SLCO3A1: variants seen among roughly 807,000 people sequenced by gnomAD.
The protein encoded by SLCO3A1 is PGE1 transporter.
Under a neutral mutation model 63.1 loss-of-function variants are expected in SLCO3A1, and 27 were observed. The observed-to-expected ratio is 0.43, with a 90% CI of 0.32 to 0.59. The LOEUF is 0.59. Among genes scored for constraint, SLCO3A1 ranks in the 20% least tolerant of loss-of-function variants. The probability of loss-of-function intolerance (pLI) is 0.09; values close to 1 mark genes in which losing one functional copy is unlikely to be tolerated. For synonymous variants in SLCO3A1, 473 were observed against 409.9 expected (o/e 1.15, Z -1.86); for missense variants, 773 against 945.8 (o/e 0.82, Z 2.40).
intron 2 of SLCO3A1, among the ~76,000 whole-genome samples, chr15:92,060,318 G>A (rs1456086445): frequency 6.6e-6 from 1 of 152,074 alleles, no homozygotes; most frequent in Non-Finnish European, 1.5e-5. Flanking sequence ...CCAGTAGTTT[G>A]GGAGGCCAAG....
chr15:92,015,821 C>G (rs971451935), intron 2 of SLCO3A1, among the ~76,000 whole-genome samples: 1 of 151,956 alleles, frequency 6.6e-6, no homozygotes, highest in Admixed American at 6.6e-5. Context: ...CAGGAAGGCC[C>G]GAGCTTATAG....
chr15:91,882,653 C>T lies in SLCO3A1; in HGVS notation c.180+28565C>T, dbSNP rs574175210. 2.6e-5 allele frequency among the ~76,000 whole-genome samples: 4 copies of T among 152,192 alleles called. No homozygotes were observed. In the South Asian group the frequency reaches 6.2e-4, roughly 24 times the overall value. On this transcript the variant is annotated intron_variant, in intron 1 of 9. Coordinates refer to ENST00000318445, the MANE Select transcript of SLCO3A1 (RefSeq NM_013272.4). This position sits in a 1 kb window ranked among gnomAD's most constrained non-coding sequence, Gnocchi z 4.4. The stretch of plus-strand genomic sequence containing the variant: ...CTTCAGCCTCCCGAGTAGCTGGGAC[C>T]ACAGGCGTATGCACCACCACCACGT...
chr15:91,971,704 G>C (rs1032693524), intron 2 of SLCO3A1, among the ~76,000 whole-genome samples: 1 of 152,130 alleles, frequency 6.6e-6, no homozygotes, highest in Non-Finnish European at 1.5e-5. Flanking sequence ...AATAAGGTTT[G>C]TTTAAACAGA....
At chr15:92,015,790 C>T (rs2046419425) in intron 2 of SLCO3A1, among the ~76,000 whole-genome samples, 1 of 152,158 alleles carries the variant, frequency 6.6e-6, no homozygotes, top group Non-Finnish European at 1.5e-5. Flanking sequence ...GGGGCCCAGG[C>T]TCTGACCCCA....
At chr15:91,983,439 A>G (rs1327704051) in intron 2 of SLCO3A1, among the ~76,000 whole-genome samples, 3 of 152,126 alleles carry the variant, frequency 2.0e-5, no homozygotes, top group Admixed American at 6.6e-5. Context: ...GTTTGGCCTG[A>G]TGGAGGGTGT....
chr15:92,113,600 C>T (rs1303188728), intron 4 of SLCO3A1, among the ~76,000 whole-genome samples: 1 of 152,154 alleles, frequency 6.6e-6, no homozygotes, highest in African/African-American at 2.4e-5. Flanking sequence ...GGAAGCGCTC[C>T]CATGGGCTCC....
chr15:92,065,960 G>A lies in SLCO3A1; in HGVS notation c.647-28921G>A, dbSNP rs149529489. Reference sequence around the variant, plus strand: ...GAGGACACGGCTCAGAGGCCAGGAAGCTCCCAGGAAACTTTCCTTAGATGG... The same window carrying A: ...GAGGACACGGCTCAGAGGCCAGGAAACTCCCAGGAAACTTTCCTTAGATGG... On this transcript the variant is annotated intron_variant, in intron 2 of 9. Transcript: ENST00000318445. 4.1e-3 allele frequency among the ~76,000 whole-genome samples: 619 copies of A among 152,322 alleles called. 5 individuals are homozygous for A. Among genetic ancestry groups the A allele is most frequent in the African/African-American group, 0.014 (594 of 41,584 alleles).
rs553685739 is a variant in SLCO3A1 at position 91,893,759 on chromosome 15, C to T, written c.181-22234C>T. 2.0e-5 allele frequency among the ~76,000 whole-genome samples: 3 copies of T among 152,284 alleles called. No homozygotes were observed. The East Asian group carries it at 5.8e-4, about 29-fold the overall frequency. ...CAGAGTTAGAACTTTTAGGCCGGTACTTTTTCTTCTATTTATCCATCTATC... is the reference window on the plus strand; with the variant it reads ...CAGAGTTAGAACTTTTAGGCCGGTATTTTTTCTTCTATTTATCCATCTATC... On this transcript the variant is annotated intron_variant, in intron 1 of 9. Coordinates refer to ENST00000318445, the MANE Select transcript of SLCO3A1 (RefSeq NM_013272.4).
At chr15:92,051,022 T>C (rs532238036) in intron 2 of SLCO3A1, among the ~76,000 whole-genome samples, 1 of 152,350 alleles carries the variant, frequency 6.6e-6, no homozygotes, top group South Asian at 2.1e-4. Flanking sequence ...CTCTGACCCA[T>C]CCAAAGTTGC....
At chr15:92,168,156 G>T (rs534414741), downstream of SLCO3A1, among the ~76,000 whole-genome samples, 1 of 152,318 alleles carries the variant, frequency 6.6e-6, no homozygotes, top group African/African-American at 2.4e-5. Context: ...AAGAGCTAGG[G>T]TCTGTCTGGG....
At chr15:91,899,641 G>A (rs372529284) in intron 1 of SLCO3A1, among the ~76,000 whole-genome samples, 9 of 151,862 alleles carry the variant, frequency 5.9e-5, no homozygotes, top group South Asian at 4.2e-4. Context: ...CATAAAATCC[G>A]TCCATGCTAA....
chr15:92,102,780 T>A (rs930044763), intron 3 of SLCO3A1, among the ~76,000 whole-genome samples: 6 of 152,126 alleles, frequency 3.9e-5, no homozygotes, highest in Non-Finnish European at 8.8e-5. Flanking sequence ...CAGGAATTGA[T>A]CATTCACCTC....
At chr15:92,089,022 TA>T (rs1447534942) in intron 2 of SLCO3A1, among the ~76,000 whole-genome samples, 54 of 151,058 alleles carry the variant, frequency 3.6e-4, no homozygotes, top group Admixed American at 3.6e-3. Flanking sequence ...TTTATTTATT[TA>T]TTTATTTATT....
intron 2 of SLCO3A1, among the ~76,000 whole-genome samples, chr15:92,084,455 G>A (rs1251607622): frequency 6.6e-6 from 1 of 152,212 alleles, no homozygotes; most frequent in Non-Finnish European, 1.5e-5. Flanking sequence ...GGCCGAGGGA[G>A]CATTTGTACC....
chr15:92,050,645 A>G (rs1466040381), intron 2 of SLCO3A1, among the ~76,000 whole-genome samples: 2 of 152,126 alleles, frequency 1.3e-5, no homozygotes, highest in South Asian at 2.1e-4. Context: ...GGCCACTATC[A>G]CTACCACCAA....
At chr15:91,961,707 A>T (rs1302079611) in intron 2 of SLCO3A1, among the ~76,000 whole-genome samples, 1 of 152,150 alleles carries the variant, frequency 6.6e-6, no homozygotes, top group Non-Finnish European at 1.5e-5. Flanking sequence ...CTCATCTGCC[A>T]CCTTTACTCT....
At chr15:92,035,563 G>A (rs1159858917) in intron 2 of SLCO3A1, among the ~76,000 whole-genome samples, 2 of 151,712 alleles carry the variant, frequency 1.3e-5, no homozygotes, top group African/African-American at 2.4e-5. Flanking sequence ...GACAACATGA[G>A]GCTAGCTCCT....
rs72068160 is a variant in SLCO3A1 at position 91,868,354 on chromosome 15, C to CTT, written c.180+14285_180+14286dup. The stretch of plus-strand genomic sequence containing the variant: ...GGCATGAACCACCACACCCAGCCGG[C>CTT]TTTTTTTTTTTTTTTTTTTTAATAT... On this transcript the variant is annotated intron_variant, in intron 1 of 9. Coordinates refer to ENST00000318445, the MANE Select transcript of SLCO3A1 (RefSeq NM_013272.4). Among the ~76,000 whole-genome samples, 409 of 104,868 alleles carry CTT rather than the reference C, an allele frequency of 3.9e-3. 13 individuals carry two copies. In the East Asian group the frequency reaches 0.082, roughly 21 times the overall value. 68.8% of individuals were successfully genotyped at this position (104,868 alleles called of 152,430 possible).
intron 2 of SLCO3A1, among the ~76,000 whole-genome samples, chr15:92,057,814 G>T (rs908654): frequency 0.62 from 94,882 of 152,004 alleles, 30,876 homozygotes; most frequent in Admixed American, 0.78. Context: ...GAAGGGAGAG[G>T]GGCCTTGCCC....
Sources: allele counts gnomAD v4.1 joint callset (sites outside exome capture counted in the v4.1 genomes callset), GRCh38; gene constraint gnomAD v4.1.1; non-coding constraint Gnocchi (gnomAD v3.1); transcripts MANE v1.5; gene names NCBI Gene and HGNC (gene_info 2026-07-23, HGNC 2026-07-21).